Variants in SLCO1C1 observed in about 807,000 individuals in gnomAD.
SLCO1C1 encodes solute carrier organic anion transporter family member 1C1.
SLCO1C1 carries 70 observed loss-of-function variants against 76.4 expected under a neutral mutation model. The observed-to-expected ratio is 0.92, with a 90% CI of 0.76 to 1.12. The LOEUF (loss-of-function observed/expected upper bound fraction) is 1.12. SLCO1C1 is among the 50% of genes most tolerant of loss of function. SLCO1C1 has a pLI of 0.00. For missense variants in SLCO1C1, 912 were observed against 823.8 expected (o/e 1.11, Z -1.31); for synonymous variants, 306 against 286.1 (o/e 1.07, Z -0.70).
chr12:20,711,444 C>T lies in SLCO1C1; in HGVS notation c.463C>T (p.Leu155Phe). 1 of 1,613,872 alleles carries T rather than the reference C, an allele frequency of 6.2e-7. No individual in the cohort carries two copies. ...TTCCACTCTCAGCATCTCTCCGTGT[C>T]TCCTAGAGTCAAGCAGTCAATTACC... is the stretch of plus-strand genomic sequence containing the variant. Reference protein sequence around the residue: ...SNSTLSISPCLLESSSQLPVS... With the variant: ...SNSTLSISPCFLESSSQLPVS... Residue 155 changes from leucine (L) to phenylalanine (F), a missense_variant, in exon 5 of 15, where the codon CTC (leucine) becomes TTC (phenylalanine). Leu to Phe is a conservative substitution (Grantham distance 22, BLOSUM62 0). Transcript: ENST00000266509.
chr12:20,720,609 T>A (rs987019672), intron 7 of SLCO1C1, among the ~76,000 whole-genome samples: 1 of 152,162 alleles, frequency 6.6e-6, no homozygotes, highest in Non-Finnish European at 1.5e-5. Context: ...AACACTTTAG[T>A]GGAGAAAGTA....
At chr12:20,704,484 A>G (rs1004816445) in intron 3 of SLCO1C1, among the ~76,000 whole-genome samples, 5 of 151,852 alleles carry the variant, frequency 3.3e-5, no homozygotes, top group African/African-American at 1.2e-4. Context: ...AATATGATAC[A>G]CAATGTCTTC....
At chr12:20,740,783 T>TTTTATATATATATATA (rs1948768703) in intron 12 of SLCO1C1, among the ~76,000 whole-genome samples, 2 of 53,994 alleles carry the variant, frequency 3.7e-5, no homozygotes, top group African/African-American at 1.1e-4. Flanking sequence ...AGAATTTATT[T>TTTTATATATATATATA]TATTTATATA....
chr12:20,717,213 T>C lies in SLCO1C1; in HGVS notation c.758T>C (p.Ile253Thr), dbSNP rs776898909. 7 of 1,586,972 alleles carry C rather than the reference T, an allele frequency of 4.4e-6. No individual in the cohort carries two copies. The highest frequency in any genetic ancestry group is 1.9e-5 in the Admixed American group (1 of 52,236). The change falls in exon 7 of 15, where the codon ATT becomes ACT. Residue 253 changes from isoleucine (I) to threonine (T), a missense_variant. Ile to Thr is a moderately conservative substitution (Grantham distance 89, BLOSUM62 -1). Coordinates refer to ENST00000266509, the MANE Select transcript of SLCO1C1 (RefSeq NM_017435.5). ...TTATGTGCCAAACTATATGTTGACA[T>C]TGGCTTTGTAAACCTAGGTAAGGAA... The part of the protein sequence containing the change: ...GSLCAKLYVD[I>T]GFVNLDHITI...
At chr12:20,739,384 A>G (rs1409811416) in intron 11 of SLCO1C1, among the ~76,000 whole-genome samples, 2 of 151,706 alleles carry the variant, frequency 1.3e-5, no homozygotes, top group Non-Finnish European at 2.9e-5. Flanking sequence ...GAGAGATGGG[A>G]GTTGTTTTTT....
intron 13 of SLCO1C1, among the ~76,000 whole-genome samples, chr12:20,748,954 A>G (rs1483368806): frequency 2.0e-5 from 3 of 152,186 alleles, no homozygotes; most frequent in African/African-American, 7.2e-5. Flanking sequence ...TCTGCAGTTA[A>G]TAAGTCACCT....
intron 7 of SLCO1C1, among the ~76,000 whole-genome samples, chr12:20,721,328 A>G (rs1309388061): frequency 2.6e-5 from 4 of 152,224 alleles, no homozygotes; most frequent in Admixed American, 2.6e-4. Context: ...ACATTGCCAC[A>G]GTCATTTCAA....
At chr12:20,726,562 T>A (rs1948010070) in intron 9 of SLCO1C1, among the ~76,000 whole-genome samples, 1 of 152,208 alleles carries the variant, frequency 6.6e-6, no homozygotes, top group Non-Finnish European at 1.5e-5. Flanking sequence ...AAAATTTAAA[T>A]CCAAGAGCTA....
intron 12 of SLCO1C1, among the ~76,000 whole-genome samples, chr12:20,740,865 A>G (rs1246140015): frequency 1.5e-5 from 2 of 132,846 alleles, no homozygotes; most frequent in Non-Finnish European, 3.1e-5. Context: ...TCTGTGGAGG[A>G]TTTCATGGCT....
At chr12:20,717,362 T>G in intron 7 of SLCO1C1, 132 bp downstream of exon 7, 1 of 599,398 alleles carries the variant, frequency 1.7e-6, no homozygotes, top group East Asian at 3.4e-5. Context: ...ACTAAAAATT[T>G]TATTATTAAT....
chr12:20,739,549 A>G (rs572884509), intron 11 of SLCO1C1, among the ~76,000 whole-genome samples: 18 of 152,230 alleles, frequency 1.2e-4, no homozygotes, highest in African/African-American at 3.6e-4. Context: ...TGAACTTGCC[A>G]GGTTTGAGGG....
intron 4 of SLCO1C1, among the ~76,000 whole-genome samples, chr12:20,710,223 T>TTTTTTTTTTTTTTTTTTTC (rs1555122286): frequency 1.5e-5 from 2 of 133,776 alleles, no homozygotes; most frequent in Non-Finnish European, 3.2e-5. Flanking sequence ...TTTTTTTTTT[T>TTTTTTTTTTTTTTTTTTTC]TTGAGATGGA....
chr12:20,748,339 C>G (rs1006715364), intron 13 of SLCO1C1, among the ~76,000 whole-genome samples: 2 of 152,164 alleles, frequency 1.3e-5, no homozygotes, highest in African/African-American at 4.8e-5. Context: ...AACCAGAAAT[C>G]TCTCTCCTCT....
rs2271656 is a variant in SLCO1C1 at position 20,740,174 on chromosome 12, C to T, written c.1549-10C>T. The T allele has an allele frequency of 0.54, 859,421 of 1,590,328 alleles. 241,028 individuals are homozygous for T. Among genetic ancestry groups the T allele is most frequent in the South Asian group, 0.63 (54,894 of 86,976 alleles). On this transcript the variant is annotated splice_polypyrimidine_tract_variant and intron_variant, in intron 11 of 14. Transcript: ENST00000266509. ...CTGAAATAATTGGACTTTTCCCTAT[C>T]GTGTTACAGATATTTTACAACTGCA...
At chr12:20,705,111 G>C (rs1946711947) in intron 3 of SLCO1C1, among the ~76,000 whole-genome samples, 1 of 151,870 alleles carries the variant, frequency 6.6e-6, no homozygotes, top group Non-Finnish European at 1.5e-5. Flanking sequence ...TTTACGCACA[G>C]CAAAGCGTGA....
At chr12:20,740,074 T>C (rs1487552045) in intron 11 of SLCO1C1, 110 bp from the exon 12 acceptor site, 2 of 1,059,106 alleles carry the variant, frequency 1.9e-6, no homozygotes, top group Non-Finnish European at 2.7e-6. Flanking sequence ...AAAGAATATT[T>C]CCTCATTGTT....
intron 4 of SLCO1C1, among the ~76,000 whole-genome samples, chr12:20,706,509 T>C (rs1243504939): frequency 6.6e-6 from 1 of 152,172 alleles, no homozygotes; most frequent in Non-Finnish European, 1.5e-5. Flanking sequence ...GTATTCAATG[T>C]CCATACAGTA....
intron 10 of SLCO1C1, 39 bp from the exon 11 acceptor site, chr12:20,737,068 C>A: frequency 7.0e-7 from 1 of 1,422,942 alleles, no homozygotes; most frequent in Admixed American, 3.0e-5. Flanking sequence ...GTGCTACCTG[C>A]TAAGAGGTAA....
chr12:20,697,818 T>C (rs1946333809), intron 1 of SLCO1C1, among the ~76,000 whole-genome samples: 1 of 152,084 alleles, frequency 6.6e-6, no homozygotes, highest in Non-Finnish European at 1.5e-5. Flanking sequence ...ATGGGCTTGA[T>C]CTGAAGTTTT....
Sources: allele counts gnomAD v4.1 joint callset (sites outside exome capture counted in the v4.1 genomes callset), GRCh38; gene constraint gnomAD v4.1.1; transcripts MANE v1.5; gene names NCBI Gene and HGNC (gene_info 2026-07-23, HGNC 2026-07-21).